The following STT3B variants were observed in gnomAD, a reference collection of about 807,000 sequenced individuals.
STT3B encodes the protein dolichyl-diphosphooligosaccharide--protein glycosyltransferase subunit STT3B.
In STT3B, 29 loss-of-function variants were observed where a neutral mutation model predicts 96.8. The observed-to-expected ratio is 0.30, with a 90% confidence interval of 0.22 to 0.41. The LOEUF (loss-of-function observed/expected upper bound fraction) is 0.41. STT3B is among the 10% of genes least tolerant of loss of function. The pLI, the probability that STT3B is intolerant of heterozygous loss-of-function variation, is 1.00. For missense variants in STT3B, 640 were observed against 1,022.3 expected (o/e 0.63, Z 5.10); for synonymous variants, 367 against 360.0 (o/e 1.02, Z -0.22).
At position 31,588,822 on chromosome 3, in the gene STT3B, G is replaced by T. The variant is rs72856024; in HGVS notation, c.712-7976G>T. 2.6e-3 allele frequency among the ~76,000 whole-genome samples: 401 copies of T among 151,928 alleles called. 2 individuals are homozygous for T. The highest frequency in any genetic ancestry group is 9.5e-3 in the African/African-American group (393 of 41,476). ...TCAAAGGTCAGTTTATATTTATGGG[G>T]CTCTATTTCTGTGCTCTGTTCTGTT... On this transcript the variant is annotated intron_variant, in intron 3 of 15. Coordinates refer to ENST00000295770, the MANE Select transcript of STT3B (RefSeq NM_178862.3).
At chr3:31,549,086 G>C (rs1697487021) in intron 1 of STT3B, among the ~76,000 whole-genome samples, 1 of 152,006 alleles carries the variant, frequency 6.6e-6, no homozygotes, top group South Asian at 2.1e-4. Context: ...GGAAAAGACT[G>C]ATGTAGATGT....
chr3:31,541,011 A>C (rs1451092183), intron 1 of STT3B, among the ~76,000 whole-genome samples: 4 of 152,210 alleles, frequency 2.6e-5, no homozygotes, highest in Non-Finnish European at 5.9e-5. Flanking sequence ...TATACATCTT[A>C]TTTATGTAAC....
intron 3 of STT3B, 22 bp downstream of exon 3, chr3:31,580,118 G>A (rs574717491): frequency 6.3e-7 from 1 of 1,599,356 alleles, no homozygotes; most frequent in Admixed American, 1.7e-5. Context: ...TTAATGTTTT[G>A]CTGCCATTAT....
At chr3:31,609,512 G>T (rs559683645) in intron 5 of STT3B, among the ~76,000 whole-genome samples, 6 of 152,178 alleles carry the variant, frequency 3.9e-5, no homozygotes, top group Non-Finnish European at 7.3e-5. Flanking sequence ...CTTAAACCAA[G>T]ATGTACTTTG....
At chr3:31,584,037 GAT>G (rs1389431319) in intron 3 of STT3B, among the ~76,000 whole-genome samples, 1 of 152,124 alleles carries the variant, frequency 6.6e-6, no homozygotes, top group Non-Finnish European at 1.5e-5. Context: ...TCCTTCTAAA[GAT>G]TTTATATGTC....
chr3:31,602,314 T>A (rs1030733186), intron 5 of STT3B, among the ~76,000 whole-genome samples: 6 of 152,034 alleles, frequency 3.9e-5, no homozygotes, highest in Non-Finnish European at 7.4e-5. Flanking sequence ...TTTTTTTTTT[T>A]AAGTTAAATG....
chr3:31,603,081 C>T (rs1410049760), intron 5 of STT3B, among the ~76,000 whole-genome samples: 1 of 151,928 alleles, frequency 6.6e-6, no homozygotes, highest in African/African-American at 2.4e-5. Flanking sequence ...TGTTCTCTCT[C>T]CCCTTGAGCA....
At chr3:31,545,881 T>C (rs1053509079) in intron 1 of STT3B, among the ~76,000 whole-genome samples, 13 of 151,142 alleles carry the variant, frequency 8.6e-5, no homozygotes, top group Admixed American at 7.3e-4. Context: ...CTAAGGCAAT[T>C]CTTCTTCCAC....
intron 5 of STT3B, among the ~76,000 whole-genome samples, chr3:31,605,590 G>A (rs1260658265): frequency 4.6e-5 from 7 of 152,192 alleles, no homozygotes; most frequent in Non-Finnish European, 1.0e-4. Context: ...TGCCATGTAA[G>A]ATGTGCCTTT....
intron 1 of STT3B, among the ~76,000 whole-genome samples, chr3:31,537,505 T>G (rs187582402): frequency 6.6e-6 from 1 of 152,330 alleles, no homozygotes; most frequent in Admixed American, 6.5e-5. Flanking sequence ...TTGGTGCTAC[T>G]CCCATTTCGG....
chr3:31,550,178 A>T (rs1697517039), intron 1 of STT3B, among the ~76,000 whole-genome samples: 1 of 152,210 alleles, frequency 6.6e-6, no homozygotes, highest in South Asian at 2.1e-4. Context: ...AAATTAAGAG[A>T]TGGTACTAAA....
intron 1 of STT3B, among the ~76,000 whole-genome samples, chr3:31,568,080 C>T (rs1412204692): frequency 7.2e-5 from 11 of 151,786 alleles, no homozygotes; most frequent in African/African-American, 2.4e-4. Flanking sequence ...TAATTTTTAG[C>T]TCTCACATAT....
intron 5 of STT3B, among the ~76,000 whole-genome samples, chr3:31,601,514 G>T (rs1230506877): frequency 4.6e-5 from 7 of 152,166 alleles, no homozygotes; most frequent in Admixed American, 4.6e-4. Flanking sequence ...CATAGAAACA[G>T]AAAGTAGAGT....
intron 2 of STT3B, among the ~76,000 whole-genome samples, chr3:31,578,910 A>G (rs976641971): frequency 1.1e-4 from 16 of 152,122 alleles, no homozygotes; most frequent in African/African-American, 3.9e-4. Context: ...TGTGGGGGAG[A>G]GAGGTTGCAG....
chr3:31,534,307 G>A (rs932089218), intron 1 of STT3B, among the ~76,000 whole-genome samples: 31 of 152,198 alleles, frequency 2.0e-4, no homozygotes, highest in Non-Finnish European at 1.5e-4. Context: ...AACAACACTA[G>A]CTAACTTAGA....
Position 31,636,130 on chromosome 3 carries a change from C to A in STT3B, c.*66C>A. ...TGAGAACCGGTCTTTGCCTTTAGCT[C>A]ATGTCGTGTTTCACAGCAAAGAGGG... On this transcript the variant is annotated 3_prime_UTR_variant, in exon 16 of 16. Transcript: ENST00000295770. 1.6e-6 allele frequency: 2 copies of A among 1,276,932 alleles called. No individual in the cohort carries two copies. The highest frequency in any genetic ancestry group is 1.5e-5 in the South Asian group (1 of 64,928). 79.1% of individuals were successfully genotyped at this position (1,276,932 alleles called of 1,614,324 possible). A position where few individuals can be genotyped will look rare whatever the true frequency, so the allele number is the denominator to read the frequency against.
chr3:31,566,146 A>T (rs1006142385), intron 1 of STT3B, among the ~76,000 whole-genome samples: 8 of 152,216 alleles, frequency 5.3e-5, no homozygotes, highest in African/African-American at 1.9e-4. Flanking sequence ...CTGGTACCCC[A>T]CTCTTGTCTG....
chr3:31,579,270 A>G (rs983640171), intron 2 of STT3B, among the ~76,000 whole-genome samples: 1 of 151,976 alleles, frequency 6.6e-6, no homozygotes, highest in Non-Finnish European at 1.5e-5. Context: ...TCCTAGCTAG[A>G]CTGTTCCCTC....
chr3:31,591,180 T>C (rs1415330966), intron 3 of STT3B, among the ~76,000 whole-genome samples: 1 of 152,092 alleles, frequency 6.6e-6, no homozygotes, highest in African/African-American at 2.4e-5. Context: ...CTTAAAATTT[T>C]TACATTTTCC....
Sources: gnomAD v4.1 joint callset for allele counts (sites outside exome capture counted in the v4.1 genomes callset) on GRCh38, gnomAD v4.1.1 for gene constraint, MANE v1.5 for transcripts, NCBI Gene and HGNC (gene_info 2026-07-23, HGNC 2026-07-21) for gene names.